ST18: variants seen among roughly 807,000 people sequenced by gnomAD.
The protein encoded by ST18 is suppression of tumorigenicity 18 protein.
ST18 carries 50 observed loss-of-function variants against 110.0 expected under a neutral mutation model. The observed-to-expected ratio is 0.45, with a 90% CI of 0.36 to 0.58. The LOEUF is 0.58. ST18 is among the 20% of genes least tolerant of loss of function. ST18 has a pLI of 0.00. For missense variants in ST18, 1,306 were observed against 1,280.1 expected (o/e 1.02, Z -0.31); for synonymous variants, 461 against 452.4 (o/e 1.02, Z -0.24).
intron 2 of ST18, among the ~76,000 whole-genome samples, chr8:52,398,328 G>A (rs1043612842): frequency 7.9e-5 from 12 of 152,180 alleles, no homozygotes; most frequent in East Asian, 3.9e-4. Flanking sequence ...TGGAATCTAC[G>A]GGGCTTTCTG....
At chr8:52,328,869 G>A (rs1455651856) in intron 2 of ST18, among the ~76,000 whole-genome samples, 1 of 152,116 alleles carries the variant, frequency 6.6e-6, no homozygotes, top group African/African-American at 2.4e-5. Flanking sequence ...TCTGTCTGCT[G>A]GGGGAGGGAT....
chr8:52,247,473 C>T (rs547605486), intron 2 of ST18, among the ~76,000 whole-genome samples: 136 of 152,222 alleles, frequency 8.9e-4, no homozygotes, highest in African/African-American at 2.9e-3. Context: ...TGCAACTAAA[C>T]GAACTTCAGT....
At chr8:52,279,340 A>G (rs956745517) in intron 2 of ST18, among the ~76,000 whole-genome samples, 2 of 152,182 alleles carry the variant, frequency 1.3e-5, no homozygotes, top group Non-Finnish European at 2.9e-5. Context: ...ACTGGGAGAC[A>G]CATCTGAAGG....
At chr8:52,294,361 C>T (rs191139495) in intron 2 of ST18, 3 of 152,326 alleles carry the variant, frequency 2.0e-5, no homozygotes, top group Admixed American at 2.0e-4. Flanking sequence ...TGGTTTCATG[C>T]ATAATAACTG....
intron 8 of ST18, among the ~76,000 whole-genome samples, chr8:52,183,408 G>T (rs934876034): frequency 6.6e-6 from 1 of 152,196 alleles, no homozygotes; most frequent in African/African-American, 2.4e-5. Context: ...TAAAGTTCAA[G>T]ATTTGGGTCC....
chr8:52,249,565 A>G (rs2094129837), intron 2 of ST18, among the ~76,000 whole-genome samples: 1 of 152,140 alleles, frequency 6.6e-6, no homozygotes, highest in Admixed American at 6.6e-5. Flanking sequence ...CTGCCAGGGT[A>G]CAATGGGCTG....
chr8:52,126,140 G>C lies in ST18; in HGVS notation c.2667C>G (p.Ser889Arg), dbSNP rs759926840. 1 of 1,613,522 alleles carries C rather than the reference G, an allele frequency of 6.2e-7. No homozygotes were observed. The highest frequency in any genetic ancestry group is 1.1e-5 in the South Asian group (1 of 91,034). Residue 889 changes from serine (S) to arginine (R), a missense_variant and splice_region_variant, in exon 23 of 26, where the codon AGC becomes AGG. Ser to Arg is a moderately radical substitution (Grantham distance 110). Coordinates refer to ENST00000689386, the MANE Select transcript of ST18 (RefSeq NM_001352837.2). ...HVNNVFVTHRSLSGCPLNAQV... is the reference protein window; with the variant it reads ...HVNNVFVTHRRLSGCPLNAQV... ...GTGCATTGAGAGGACATCCAGATAA[G>C]CTGTGAAAATAGAAATTGTACTAAT...
At chr8:52,179,717 T>C (rs1481582855) in intron 9 of ST18, among the ~76,000 whole-genome samples, 1 of 152,124 alleles carries the variant, frequency 6.6e-6, no homozygotes, top group Non-Finnish European at 1.5e-5. Flanking sequence ...CTAATGAACA[T>C]TATATATAAC....
At chr8:52,288,718 A>G (rs192232200) in intron 2 of ST18, among the ~76,000 whole-genome samples, 222 of 152,114 alleles carry the variant, frequency 1.5e-3, no homozygotes, top group African/African-American at 5.1e-3. Flanking sequence ...AAAAAATAAA[A>G]GGAAAAAAGA....
At chr8:52,174,270 TA>T (rs1304589673) in intron 9 of ST18, among the ~76,000 whole-genome samples, 1 of 152,234 alleles carries the variant, frequency 6.6e-6, no homozygotes, top group African/African-American at 2.4e-5. Context: ...AAACATAGTC[TA>T]AAATGCAAAT....
At chr8:52,369,584 T>C (rs921259937) in intron 2 of ST18, among the ~76,000 whole-genome samples, 1 of 152,232 alleles carries the variant, frequency 6.6e-6, no homozygotes, top group African/African-American at 2.4e-5. Flanking sequence ...ACTGTTTTTT[T>C]ATAAATCTCC....
chr8:52,382,942 G>A (rs1403913543), intron 2 of ST18, among the ~76,000 whole-genome samples: 1 of 152,058 alleles, frequency 6.6e-6, no homozygotes, highest in African/African-American at 2.4e-5. Flanking sequence ...GAGCAAATGT[G>A]CCACGAGGAT....
chr8:52,174,017 A>C (rs1360099980), intron 9 of ST18, among the ~76,000 whole-genome samples: 1 of 152,212 alleles, frequency 6.6e-6, no homozygotes, highest in East Asian at 1.9e-4. Flanking sequence ...TCAAGTAAAT[A>C]TTGCCATAGT....
intron 2 of ST18, among the ~76,000 whole-genome samples, chr8:52,245,315 T>C (rs1440879420): frequency 1.3e-5 from 2 of 152,170 alleles, no homozygotes; most frequent in South Asian, 2.1e-4. Context: ...TTATTCTATT[T>C]AAAAAATTAA....
chr8:52,133,343 T>C (rs997253586), intron 19 of ST18, 42 bp from the exon 20 acceptor site: 4 of 1,611,290 alleles, frequency 2.5e-6, no homozygotes, highest in African/African-American at 1.3e-5. Flanking sequence ...GAAGTTGTAG[T>C]TGGGGGAGTG....
chr8:52,324,689 C>G (rs1459166657), intron 2 of ST18, among the ~76,000 whole-genome samples: 1 of 152,096 alleles, frequency 6.6e-6, no homozygotes, highest in Admixed American at 6.5e-5. Flanking sequence ...TTATAAGGTA[C>G]ATATTATCAA....
chr8:52,113,489 C>T (rs1035758), intron 25 of ST18, 151 bp from the exon 26 acceptor site: 6 of 782,638 alleles, frequency 7.7e-6, no homozygotes, highest in Admixed American at 7.1e-5. Flanking sequence ...TGGAGAGAGA[C>T]GGAGTGTGTG....
At position 52,171,930 on chromosome 8, in the gene ST18, C is replaced by A. The variant is rs773804561; in HGVS notation, c.931G>T (p.Ala311Ser). The A allele has an allele frequency of 6.2e-7, 1 of 1,614,220 alleles. No homozygotes were observed. The highest frequency in any genetic ancestry group is 1.1e-5 in the South Asian group (1 of 91,080). Reference sequence around the variant, plus strand: ...ACACAACCTCGCTCAGCCTGCAGAGCAATTGCCTGCTCCAGCAAACTTAAA... The same window carrying A: ...ACACAACCTCGCTCAGCCTGCAGAGAAATTGCCTGCTCCAGCAAACTTAAA... ...GNLSLLEQAI[A>S]LQAERGCVFH... is the part of the protein sequence containing the mutation. Residue 311 changes from alanine (A) to serine (S), a missense_variant, in exon 10 of 26, where the codon GCT becomes TCT. Coordinates refer to ENST00000689386, the MANE Select transcript of ST18 (RefSeq NM_001352837.2).
intron 25 of ST18, among the ~76,000 whole-genome samples, chr8:52,114,922 T>C (rs1205519641): frequency 7.9e-5 from 12 of 152,226 alleles, no homozygotes; most frequent in Non-Finnish European, 1.2e-4. Flanking sequence ...ACTTGTGTGG[T>C]ACCTGTTTTT....
Sources: allele counts gnomAD v4.1 joint callset (sites outside exome capture counted in the v4.1 genomes callset), GRCh38; gene constraint gnomAD v4.1.1; transcripts MANE v1.5; gene names NCBI Gene and HGNC (gene_info 2026-07-23, HGNC 2026-07-21).